The following ENTPD1 variants were observed in gnomAD, a reference collection of about 807,000 sequenced individuals.
The protein encoded by ENTPD1 is ATP diphosphohydrolase.
A neutral mutation model predicts 57.0 loss-of-function variants in ENTPD1; 33 were observed. The ratio of observed to expected loss-of-function variants is 0.58; its 90% CI spans 0.44 to 0.77. ENTPD1 has a LOEUF of 0.77. ENTPD1 is among the 30% of genes least tolerant of loss of function. ENTPD1 has a pLI of 0.00. For missense variants in ENTPD1, 501 were observed against 603.4 expected, an observed-to-expected ratio of 0.83 and a Z score of 1.78; for synonymous variants, 202 against 218.8, an observed-to-expected ratio of 0.92 and a Z score of 0.68.
chr10:95,864,998 AC>A, intron 9 of ENTPD1, 137 bp downstream of exon 9: 1 of 1,072,070 alleles, frequency 9.3e-7, no homozygotes, highest in Non-Finnish European at 1.3e-6. Flanking sequence ...TCTGCTTCAA[AC>A]CCTGGCATTC....
chr10:95,816,477 G>A (rs1388133104), intron 1 of ENTPD1, among the ~76,000 whole-genome samples: 2 of 152,118 alleles, frequency 1.3e-5, no homozygotes, highest in East Asian at 1.9e-4. Flanking sequence ...ATTAAGCTAA[G>A]GATCTTGAGA....
chr10:95,789,679 A>T (rs865861861), intron 1 of ENTPD1, among the ~76,000 whole-genome samples: 1 of 152,212 alleles, frequency 6.6e-6, no homozygotes, highest in Non-Finnish European at 1.5e-5. Context: ...TACTACCATG[A>T]AATATACACA....
chr10:95,844,584 A>G lies in ENTPD1; in HGVS notation c.522A>G (p.Glu174=). The change falls in exon 5 of 10, where the codon GAA becomes GAG. Residue 174 remains glutamate, a synonymous_variant. Transcript: ENST00000371205. ...QGARIITGQE[E]GAYGWITINY... The stretch of plus-strand genomic sequence containing the variant: ...CCAGGATCATTACTGGCCAAGAGGA[A>G]GGTGCCTATGGCTGGATTACTATCA... The G allele has an allele frequency of 1.2e-6, 2 of 1,614,244 alleles. No homozygotes were observed. The highest frequency in any genetic ancestry group is 1.1e-5 in the South Asian group (1 of 91,086).
rs145829991 is a variant in ENTPD1, at chr10:95,740,405, G to A, written c.37+28412G>A. Among the ~76,000 whole-genome samples the A allele has an allele frequency of 3.5e-3, 532 of 152,302 alleles. 4 individuals carry two copies. The highest frequency in any genetic ancestry group is 0.012 in the African/African-American group (504 of 41,564). On this transcript the variant is annotated intron_variant, in intron 1 of 9. Transcript: ENST00000453258. Reference sequence around the variant, plus strand: ...TTCCCAAAGTCCTGGGATTACAGGCGTGAGCCACTGCACCCGGCCCATTTA... The same window carrying A: ...TTCCCAAAGTCCTGGGATTACAGGCATGAGCCACTGCACCCGGCCCATTTA...
At chr10:95,825,982 T>C (rs1317629023) in intron 2 of ENTPD1, among the ~76,000 whole-genome samples, 1 of 152,164 alleles carries the variant, frequency 6.6e-6, no homozygotes, top group East Asian at 1.9e-4. Flanking sequence ...CAATTATTTA[T>C]TACACTCCAG....
At chr10:95,818,541 C>G (rs931667756) in intron 1 of ENTPD1, among the ~76,000 whole-genome samples, 1 of 152,084 alleles carries the variant, frequency 6.6e-6, no homozygotes, top group African/African-American at 2.4e-5. Context: ...TGGGAGTCAC[C>G]AGAAAGGGCC....
At chr10:95,779,260 A>G (rs1249127056) in intron 1 of ENTPD1, among the ~76,000 whole-genome samples, 2 of 152,170 alleles carry the variant, frequency 1.3e-5, no homozygotes, top group Non-Finnish European at 2.9e-5. Flanking sequence ...TAGTCCCTCA[A>G]ATATTTGAAA....
At chr10:95,712,006 T>TA (rs1192235417) in intron 1 of ENTPD1, 1 of 1,613,814 alleles carries the variant, frequency 6.2e-7, no homozygotes, top group African/African-American at 1.3e-5. Context: ...AAGAAATTCT[T>TA]ACCAGTCAGG....
At chr10:95,777,080 C>T (rs879452386) in intron 1 of ENTPD1, among the ~76,000 whole-genome samples, 3 of 152,192 alleles carry the variant, frequency 2.0e-5, no homozygotes, top group African/African-American at 7.2e-5. Context: ...CGAACATCCT[C>T]CTTTAGCTTG....
chr10:95,783,670 G>A (rs181683703), intron 1 of ENTPD1, among the ~76,000 whole-genome samples: 24 of 151,102 alleles, frequency 1.6e-4, no homozygotes, highest in African/African-American at 5.1e-4. Flanking sequence ...AAAAATTTTG[G>A]CTAAGTAGCA....
At chr10:95,812,878 G>C (rs1344818931) in intron 1 of ENTPD1, among the ~76,000 whole-genome samples, 6 of 151,834 alleles carry the variant, frequency 4.0e-5, no homozygotes, top group African/African-American at 1.5e-4. Flanking sequence ...TTTAATTAAG[G>C]GTAGTTAGAA....
Position 95,793,882 on chromosome 10 carries a change from G to A in ENTPD1, c.17-29355G>A, listed in dbSNP as rs555723417. On this transcript the variant is annotated intron_variant, in intron 1 of 9. Coordinates refer to ENST00000371205, the MANE Select transcript of ENTPD1 (RefSeq NM_001776.6). ...TGTGACAAGACAGTTAATGTGACAGGAAAGAAAAATGAACAGAGAATTGTG... is the reference window on the plus strand; with the variant it reads ...TGTGACAAGACAGTTAATGTGACAGAAAAGAAAAATGAACAGAGAATTGTG... Among the ~76,000 whole-genome samples, 17 of 152,164 alleles carry A rather than the reference G, an allele frequency of 1.1e-4. No individual in the cohort carries two copies. The East Asian group carries it at 3.3e-3, about 29-fold the overall frequency.
At chr10:95,775,814 T>C (rs1056541411) in intron 1 of ENTPD1, among the ~76,000 whole-genome samples, 25 of 152,206 alleles carry the variant, frequency 1.6e-4, no homozygotes, top group African/African-American at 5.6e-4. Context: ...TTTATGAATC[T>C]GGGTGCTCCT....
chr10:95,852,839 T>G (rs945667035), intron 7 of ENTPD1, among the ~76,000 whole-genome samples: 19 of 152,236 alleles, frequency 1.2e-4, no homozygotes, highest in Non-Finnish European at 2.6e-4. Context: ...TGTAGCCTTG[T>G]AGTATAGTTT....
In ENTPD1 at chr10:95,806,357, C is replaced by T. The variant is rs555316470; in HGVS notation, c.17-16880C>T. ...TCAGCTCCATCAGGTCATTTAAGGT[C>T]TTTTCTACACTGTTTATTCTAGTTA... On this transcript the variant is annotated intron_variant, in intron 1 of 9. Transcript: ENST00000371205. 6.9e-4 allele frequency among the ~76,000 whole-genome samples: 105 copies of T among 152,308 alleles called. 1 individual carries two copies. Among genetic ancestry groups the T allele is most frequent in the African/African-American group, 2.4e-3 (100 of 41,564 alleles).
Position 95,870,740 on chromosome 10 carries a change from A to G in ENTPD1, c.*4357A>G. The G allele has an allele frequency of 1.0e-6, 1 of 985,494 alleles. No homozygotes were observed. The highest frequency in any genetic ancestry group is 4.7e-5 in the South Asian group (1 of 21,288). The allele number at this position is 985,494 out of a possible 1,614,324, so 61.0% of individuals were successfully genotyped here. A position where few individuals can be genotyped will look rare whatever the true frequency, so the allele number is the denominator to read the frequency against. The stretch of plus-strand genomic sequence containing the variant: ...CAAATACCAATAGTTGCTCTGATTC[A>G]AATTCCAACTGTTAGAACATGACAG... On this transcript the variant is annotated 3_prime_UTR_variant, in exon 10 of 10. Coordinates refer to ENST00000371205, the MANE Select transcript of ENTPD1 (RefSeq NM_001776.6).
chr10:95,864,630 T>C, intron 8 of ENTPD1, 94 bp from the exon 9 acceptor site: 1 of 1,563,324 alleles, frequency 6.4e-7, no homozygotes. Context: ...GAGCTGGGGC[T>C]TTCCCCTCTC....
chr10:95,876,567 A>G lies in ENTPD1; in HGVS notation c.*10184A>G. ...CTTCTTGGAGTACTCATGAAGATGGAAGTCTACATGGAGAATACAGGATGA... is the reference window on the plus strand; with the variant it reads ...CTTCTTGGAGTACTCATGAAGATGGGAGTCTACATGGAGAATACAGGATGA... On this transcript the variant is annotated 3_prime_UTR_variant, in exon 10 of 10. Coordinates refer to ENST00000371205, the MANE Select transcript of ENTPD1 (RefSeq NM_001776.6). The G allele has an allele frequency of 8.1e-7, 1 of 1,231,026 alleles. No individual in the cohort carries two copies. Among genetic ancestry groups the G allele is most frequent in the Non-Finnish European group, 1.0e-6 (1 of 987,544 alleles). The allele number at this position is 1,231,026 out of a possible 1,614,324, so 76.3% of individuals were successfully genotyped here.
At chr10:95,758,972 G>A (rs766234920) in intron 1 of ENTPD1, among the ~76,000 whole-genome samples, 1 of 152,178 alleles carries the variant, frequency 6.6e-6, no homozygotes, top group Non-Finnish European at 1.5e-5. Context: ...CCTGGGACAG[G>A]TTCTTGAATT....
Sources: allele counts gnomAD v4.1 joint callset (sites outside exome capture counted in the v4.1 genomes callset), GRCh38; gene constraint gnomAD v4.1.1; transcripts MANE v1.5; gene names NCBI Gene and HGNC (gene_info 2026-07-23, HGNC 2026-07-21).